Variants in CSN3 observed in about 807,000 individuals in gnomAD.
CSN3 encodes the protein kappa-casein.
In CSN3, 7 loss-of-function variants were observed where a neutral mutation model predicts 9.9. The observed-to-expected ratio is 0.71, with a 90% CI of 0.40 to 1.33. The LOEUF (loss-of-function observed/expected upper bound fraction) is 1.33. Among genes scored for constraint, CSN3 ranks in the 40% most tolerant of loss-of-function variants. CSN3 has a pLI of 0.01. For missense variants in CSN3, 253 were observed against 227.9 expected (o/e 1.11, Z -0.71); for synonymous variants, 88 against 82.3 (o/e 1.07, Z -0.37).
chr4:70,246,161 G>A (rs1013527930), intron 2 of CSN3, among the ~76,000 whole-genome samples: 4 of 152,038 alleles, frequency 2.6e-5, no homozygotes, highest in African/African-American at 4.8e-5. Flanking sequence ...CATGTTATAT[G>A]TACTATTTTA....
chr4:70,246,929 C>T (rs534594158), intron 2 of CSN3, among the ~76,000 whole-genome samples: 1 of 152,168 alleles, frequency 6.6e-6, no homozygotes, highest in African/African-American at 2.4e-5. Context: ...ACCTCTGCCT[C>T]CCAAAGTGCT....
At chr4:70,251,217 T>C (rs987889071) in intron 4 of CSN3, 45 bp from the exon 5 acceptor site, 2 of 152,188 alleles carry the variant, frequency 1.3e-5, no homozygotes, top group Non-Finnish European at 2.9e-5. Context: ...TGAGAACTGT[T>C]AACATACTAT....
intron 2 of CSN3, among the ~76,000 whole-genome samples, chr4:70,247,532 TG>T (rs2109697632): frequency 6.6e-6 from 1 of 152,204 alleles, no homozygotes; most frequent in South Asian, 2.1e-4. Context: ...GCATATTTGT[TG>T]GCATGGGAGT....
In CSN3 at chr4:70,249,034, A is replaced by T. The variant is rs1437122576; in HGVS notation, c.124A>T (p.Thr42Ser). Reference sequence around the variant, plus strand: ...TGATGAAAGACCATTCTATCAGAAAACAGCTCCATATGTCCCAATGTATTA... The same window carrying T: ...TGATGAAAGACCATTCTATCAGAAATCAGCTCCATATGTCCCAATGTATTA... The change falls in exon 4 of 5, where the codon ACA (threonine) becomes TCA (serine). Residue 42 changes from threonine (T) to serine (S), a missense_variant. Thr to Ser is a moderately conservative substitution (Grantham distance 58). Coordinates refer to ENST00000304954, the Ensembl canonical transcript of CSN3. 6 of 1,607,224 alleles carry T rather than the reference A, an allele frequency of 3.7e-6. No individual in the cohort carries two copies. In the East Asian group the frequency reaches 1.3e-4, roughly 36 times the overall value.
intron 2 of CSN3, among the ~76,000 whole-genome samples, chr4:70,246,671 CTTTT>C (rs11293109): frequency 2.4e-5 from 3 of 125,464 alleles, no homozygotes; most frequent in Non-Finnish European, 3.3e-5. Context: ...CATATTACTT[CTTTT>C]TTTTTTTTTT....
At chr4:70,240,319 G>A (rs1730248455), upstream of CSN3, among the ~76,000 whole-genome samples, 2 of 151,986 alleles carry the variant, frequency 1.3e-5, no homozygotes, top group African/African-American at 4.8e-5. Context: ...GTGAATGGTG[G>A]TATGAATATA....
chr4:70,250,773 G>A (rs932833196), intron 4 of CSN3, among the ~76,000 whole-genome samples: 3 of 152,030 alleles, frequency 2.0e-5, no homozygotes, highest in African/African-American at 7.2e-5. Context: ...CAGATAGTGG[G>A]GTTTAATTAC....
chr4:70,243,863 T>C (rs1310996453), intron 1 of CSN3, among the ~76,000 whole-genome samples: 1 of 152,090 alleles, frequency 6.6e-6, no homozygotes, highest in Non-Finnish European at 1.5e-5. Flanking sequence ...TCTCTATACT[T>C]CTTATTAAAA....
chr4:70,244,306 C>T (rs974232521), intron 1 of CSN3, among the ~76,000 whole-genome samples: 3 of 151,962 alleles, frequency 2.0e-5, no homozygotes, highest in Non-Finnish European at 4.4e-5. Flanking sequence ...ATGTTCATGG[C>T]GATTCTCAAG....
At chr4:70,244,147 T>C (rs1730326252) in intron 1 of CSN3, among the ~76,000 whole-genome samples, 1 of 152,092 alleles carries the variant, frequency 6.6e-6, no homozygotes, top group Admixed American at 6.6e-5. Flanking sequence ...TCATACACTT[T>C]CTAGTCCAAA....
intron 1 of CSN3, among the ~76,000 whole-genome samples, chr4:70,243,490 T>G (rs1315109711): frequency 1.3e-5 from 2 of 152,084 alleles, no homozygotes; most frequent in Non-Finnish European, 2.9e-5. Flanking sequence ...GAAGTCACTT[T>G]AGTAGACAGC....
At chr4:70,240,279 C>G (rs981036208), upstream of CSN3, among the ~76,000 whole-genome samples, 23 of 151,716 alleles carry the variant, frequency 1.5e-4, no homozygotes, top group African/African-American at 5.6e-4. Flanking sequence ...ACTTATGTAC[C>G]CACAATAGCC....
Position 70,244,671 on chromosome 4 carries a change from T to C in CSN3, c.-8-141T>C, listed in dbSNP as rs928301454. ...AGTTTGAGTTTTTACATTCTTTTGT[T>C]AAAATAAATTTTTCACATCGGCTAA... On this transcript the variant is annotated intron_variant, in intron 1 of 4. Coordinates refer to ENST00000304954, the Ensembl canonical transcript of CSN3. The C allele has an allele frequency of 1.5e-5, 6 of 408,630 alleles. No individual in the cohort carries two copies. In the South Asian group the frequency reaches 5.0e-4, roughly 34 times the overall value. The allele number at this position is 408,630 out of a possible 1,614,324, so 25.3% of individuals were successfully genotyped here. A position where few individuals can be genotyped will look rare whatever the true frequency, so the allele number is the denominator to read the frequency against.
At chr4:70,249,923 C>T (rs190100559) in intron 4 of CSN3, among the ~76,000 whole-genome samples, 4 of 152,270 alleles carry the variant, frequency 2.6e-5, no homozygotes, top group Admixed American at 2.6e-4. Flanking sequence ...TTCTCTTGCA[C>T]TCTCATTGTA....
upstream of CSN3, among the ~76,000 whole-genome samples, chr4:70,241,513 C>T (rs183912669): frequency 6.6e-6 from 1 of 152,136 alleles, no homozygotes; most frequent in East Asian, 1.9e-4. Context: ...GTAAGTTCCT[C>T]AATCTGGTCA....
chr4:70,248,347 T>C (rs1730418980), intron 3 of CSN3, among the ~76,000 whole-genome samples: 2 of 152,176 alleles, frequency 1.3e-5, no homozygotes, highest in Admixed American at 1.3e-4. Context: ...TCTATTCATA[T>C]GGAAAGGTCT....
At chr4:70,249,470 G>C in exon 4 of CSN3, 1 of 1,596,354 alleles carries the variant, frequency 6.3e-7, no homozygotes, top group East Asian at 2.2e-5. Context: ...AAACACCAAG[G>C]AAATATCAAA....
upstream of CSN3, among the ~76,000 whole-genome samples, chr4:70,239,241 G>T (rs1422740029): frequency 2.0e-5 from 3 of 151,658 alleles, no homozygotes; most frequent in Non-Finnish European, 4.4e-5. Context: ...AGAAGGAAAA[G>T]TCAAAAAGTT....
intron 2 of CSN3, among the ~76,000 whole-genome samples, chr4:70,246,509 T>A (rs1002121746): frequency 6.6e-6 from 1 of 151,778 alleles, no homozygotes; most frequent in Admixed American, 6.6e-5. Context: ...ATGAAACCTA[T>A]GATATAAATA....
Sources: allele counts gnomAD v4.1 joint callset (sites outside exome capture counted in the v4.1 genomes callset), GRCh38; gene constraint gnomAD v4.1.1; transcripts MANE v1.5; gene names NCBI Gene and HGNC (gene_info 2026-07-23, HGNC 2026-07-21).